The following PTPRD variants were observed in gnomAD, a reference collection of about 807,000 sequenced individuals.
The protein encoded by PTPRD is protein tyrosine phosphatase receptor type D, also known as receptor-type tyrosine-protein phosphatase delta.
Under a neutral mutation model 214.5 loss-of-function variants are expected in PTPRD, and 34 were observed. The observed-to-expected ratio is 0.16, with a 90% CI of 0.12 to 0.21. The LOEUF is 0.21. Ranked by LOEUF, PTPRD falls within the 10% of genes least tolerant of loss-of-function variation. The probability of loss-of-function intolerance (pLI) is 1.00; values close to 1 mark genes in which losing one functional copy is unlikely to be tolerated. For synonymous variants in PTPRD, 1,128 were observed against 845.7 expected, an observed-to-expected ratio of 1.33 and a Z score of -5.79; for missense variants, 2,545 against 2,398.7, an observed-to-expected ratio of 1.06 and a Z score of -1.27.
intron 8 of PTPRD, among the ~76,000 whole-genome samples, chr9:9,514,333 C>G (rs1361947044): frequency 6.6e-6 from 1 of 152,032 alleles, no homozygotes; most frequent in Non-Finnish European, 1.5e-5. Context: ...TACAGGAATA[C>G]CTGAATACAC....
intron 5 of PTPRD, among the ~76,000 whole-genome samples, chr9:9,903,816 T>A (rs532758591): frequency 6.6e-6 from 1 of 152,226 alleles, no homozygotes; most frequent in Admixed American, 6.6e-5. Context: ...TGAAGCACCA[T>A]CATGACTATG....
chr9:9,099,595 C>T (rs1046380206), intron 10 of PTPRD, among the ~76,000 whole-genome samples: 24 of 152,028 alleles, frequency 1.6e-4, no homozygotes, highest in Middle Eastern at 3.2e-3. Flanking sequence ...GAGTTACTAC[C>T]GGGCAGGTAG....
chr9:8,553,618 T>C (rs1030899499), intron 14 of PTPRD, among the ~76,000 whole-genome samples: 3 of 152,212 alleles, frequency 2.0e-5, no homozygotes, highest in Non-Finnish European at 2.9e-5. Context: ...TATACCTTTA[T>C]GACAGGTACA....
intron 2 of PTPRD, among the ~76,000 whole-genome samples, chr9:10,452,988 G>C (rs1477510732): frequency 6.6e-6 from 1 of 151,550 alleles, no homozygotes; most frequent in African/African-American, 2.4e-5. Context: ...AATCCATTTT[G>C]AGTTGATTTT....
intron 2 of PTPRD, among the ~76,000 whole-genome samples, chr9:10,547,697 T>A (rs1045861594): frequency 6.6e-6 from 1 of 151,602 alleles, no homozygotes; most frequent in Non-Finnish European, 1.5e-5. Flanking sequence ...TATACATATA[T>A]GTTATATATA....
intron 12 of PTPRD, among the ~76,000 whole-genome samples, chr9:8,685,381 G>T (rs923104315): frequency 6.6e-6 from 1 of 152,016 alleles, no homozygotes; most frequent in African/African-American, 2.4e-5. Context: ...ATTTTTGAAG[G>T]TTCCAGGAAC....
intron 5 of PTPRD, among the ~76,000 whole-genome samples, chr9:9,816,918 A>G (rs1259175345): frequency 1.3e-5 from 2 of 150,030 alleles, no homozygotes; most frequent in Admixed American, 6.6e-5. Context: ...AAGAAAAAAA[A>G]GTTTGTTTTT....
chr9:9,117,311 CAT>C (rs2099813365), intron 10 of PTPRD, among the ~76,000 whole-genome samples: 1 of 148,348 alleles, frequency 6.7e-6, no homozygotes, highest in South Asian at 2.1e-4. Flanking sequence ...ATTTGTAAAA[CAT>C]AGCTCCATTG....
chr9:10,532,480 A>AC (rs2056632566), intron 2 of PTPRD: 1 of 150,508 alleles, frequency 6.6e-6, no homozygotes, highest in Non-Finnish European at 1.5e-5. Flanking sequence ...CATAAAAATG[A>AC]CCCTATCCAA....
intron 10 of PTPRD, among the ~76,000 whole-genome samples, chr9:9,099,006 A>G (rs2099787593): frequency 6.6e-6 from 1 of 152,248 alleles, no homozygotes; most frequent in African/African-American, 2.4e-5. Flanking sequence ...GGTCTGATAA[A>G]ATTGAATGGG....
chr9:10,374,141 TG>T (rs891460593), intron 2 of PTPRD, among the ~76,000 whole-genome samples: 1 of 152,106 alleles, frequency 6.6e-6, no homozygotes, highest in Admixed American at 6.6e-5. Context: ...GGGTCCTCTT[TG>T]CAAATACCAA....
chr9:8,421,355 C>T (rs373701478), intron 35 of PTPRD, among the ~76,000 whole-genome samples: 1,747 of 149,318 alleles, frequency 0.012, 17 homozygotes, highest in Non-Finnish European at 0.018. Flanking sequence ...CTTTCTTCTT[C>T]TCTCTTCTCT....
intron 30 of PTPRD, among the ~76,000 whole-genome samples, chr9:8,474,975 G>A (rs865844046): frequency 6.6e-6 from 1 of 152,022 alleles, no homozygotes; most frequent in African/African-American, 2.4e-5. Flanking sequence ...TTCCCCATTT[G>A]ATCCCATCAC....
Position 9,973,559 on chromosome 9 carries a change from C to G in PTPRD, c.-471-34949G>C, listed in dbSNP as rs1234585975. Among the ~76,000 whole-genome samples the G allele has an allele frequency of 2.6e-5, 4 of 152,162 alleles. No homozygotes were observed. The South Asian group carries it at 8.3e-4, about 32-fold the overall frequency. On this transcript the variant is annotated intron_variant, in intron 4 of 45. Coordinates refer to ENST00000381196, the MANE Select transcript of PTPRD (RefSeq NM_002839.4). ...TTCAGAAAATTGCCTTAATTCCTCACTCACTTTAGCATTCTAAAACTAACT... is the reference window on the plus strand; with the variant it reads ...TTCAGAAAATTGCCTTAATTCCTCAGTCACTTTAGCATTCTAAAACTAACT...
chr9:9,258,494 G>A (rs920322637), intron 9 of PTPRD, among the ~76,000 whole-genome samples: 2 of 151,782 alleles, frequency 1.3e-5, no homozygotes, highest in Non-Finnish European at 2.9e-5. Flanking sequence ...TAAGCTTCAG[G>A]TTGTACTGAT....
chr9:9,418,382 G>A (rs1270298399), intron 8 of PTPRD, among the ~76,000 whole-genome samples: 2 of 151,858 alleles, frequency 1.3e-5, no homozygotes, highest in East Asian at 3.9e-4. Context: ...ATAACTCACT[G>A]GTCATGTTAG....
chr9:10,529,361 C>T (rs899282060), intron 2 of PTPRD, among the ~76,000 whole-genome samples: 1 of 152,118 alleles, frequency 6.6e-6, no homozygotes, highest in Non-Finnish European at 1.5e-5. Flanking sequence ...ATATGTGGCA[C>T]ATATACACCA....
At chr9:10,424,886 A>G (rs1313659348) in intron 2 of PTPRD, among the ~76,000 whole-genome samples, 3 of 152,016 alleles carry the variant, frequency 2.0e-5, no homozygotes, top group Non-Finnish European at 4.4e-5. Context: ...CTTTTTTACC[A>G]TAATGTAAAT....
intron 5 of PTPRD, among the ~76,000 whole-genome samples, chr9:9,820,772 A>G (rs887742348): frequency 6.6e-6 from 1 of 151,946 alleles, no homozygotes; most frequent in African/African-American, 2.4e-5. Context: ...TGTCAGCTTC[A>G]TTGTATATCA....
Sources: gnomAD v4.1 joint callset for allele counts (sites outside exome capture counted in the v4.1 genomes callset) on GRCh38, gnomAD v4.1.1 for gene constraint, MANE v1.5 for transcripts, NCBI Gene and HGNC (gene_info 2026-07-23, HGNC 2026-07-21) for gene names.